Variants in TPD52 observed in about 807,000 individuals in gnomAD.
The protein encoded by TPD52 is tumor protein D52.
A neutral mutation model predicts 31.3 loss-of-function variants in TPD52; 17 were observed. That is an observed-to-expected ratio of 0.54 (90% CI 0.37 to 0.82). TPD52 has a LOEUF of 0.82. TPD52 is among the 40% of genes least tolerant of loss of function. The pLI is 0.00. For missense variants in TPD52, 212 were observed against 240.1 expected (o/e 0.88, Z 0.77); for synonymous variants, 83 against 89.6 (o/e 0.93, Z 0.42).
intron 1 of TPD52, among the ~76,000 whole-genome samples, chr8:80,069,475 C>T (rs1416491787): frequency 6.6e-6 from 1 of 151,156 alleles, no homozygotes; most frequent in Non-Finnish European, 1.5e-5. Flanking sequence ...AAAACAACAA[C>T]AACAAAAATT....
chr8:80,034,327 G>C (rs926245915), downstream of TPD52, among the ~76,000 whole-genome samples: 1 of 151,806 alleles, frequency 6.6e-6, no homozygotes, highest in Non-Finnish European at 1.5e-5. Flanking sequence ...CTGCACCCAG[G>C]AGCACAAGCT....
At chr8:80,141,213 C>T (rs567122674) in intron 1 of TPD52, among the ~76,000 whole-genome samples, 211 of 152,240 alleles carry the variant, frequency 1.4e-3, no homozygotes, top group Middle Eastern at 6.8e-3. Context: ...CTCCTAATCC[C>T]CTAAATTCCA....
rs1284192779 is a variant in TPD52, at chr8:80,035,796, T to TA, written c.*2319dup. On this transcript the variant is annotated 3_prime_UTR_variant, in exon 8 of 8. Coordinates refer to ENST00000518937, the MANE Select transcript of TPD52 (RefSeq NM_001025253.3). ...GAGTCCTTACATCTGTGAGATTTCA[T>TA]AAGTATCTGAGATTTCACACTCTTG... 4.6e-5 allele frequency: 7 copies of TA among 152,312 alleles called. No homozygotes were observed. The Middle Eastern group carries it at 0.017, about 370-fold the overall frequency. 9.4% of individuals were successfully genotyped at this position (152,312 alleles called of 1,614,324 possible). A position where few individuals can be genotyped will look rare whatever the true frequency, so the allele number is the denominator to read the frequency against.
intron 1 of TPD52, chr8:80,080,619 G>C: frequency 7.3e-7 from 1 of 1,371,098 alleles, no homozygotes; most frequent in Middle Eastern, 2.6e-4. Context: ...TTTCCTTTTG[G>C]GAGCCTTCAC....
chr8:80,101,448 C>CAAAAAAAAAAAAAA (rs113660828), intron 1 of TPD52, among the ~76,000 whole-genome samples: 2 of 114,730 alleles, frequency 1.7e-5, no homozygotes, highest in African/African-American at 5.8e-5. Flanking sequence ...ACTCCCAGCT[C>CAAAAAAAAAAAAAA]AAAAAAAAAA....
At chr8:80,069,456 C>T (rs1813519903) in intron 1 of TPD52, among the ~76,000 whole-genome samples, 1 of 151,798 alleles carries the variant, frequency 6.6e-6, no homozygotes, top group African/African-American at 2.4e-5. Context: ...CAGAGCAAGA[C>T]CCTGTCTCAA....
At chr8:80,080,172 G>A in intron 1 of TPD52, 1 of 648,838 alleles carries the variant, frequency 1.5e-6, no homozygotes, top group African/African-American at 1.8e-5. Context: ...TCTGTACTTT[G>A]AATCTAGAAT....
At chr8:80,059,398 A>T (rs1192735688) in intron 2 of TPD52, among the ~76,000 whole-genome samples, 2 of 152,140 alleles carry the variant, frequency 1.3e-5, no homozygotes, top group African/African-American at 2.4e-5. Flanking sequence ...AGAAAAATTT[A>T]AAAAATAGAA....
intron 1 of TPD52, among the ~76,000 whole-genome samples, chr8:80,127,991 G>GT (rs1423214091): frequency 4.2e-5 from 6 of 142,700 alleles, no homozygotes; most frequent in African/African-American, 1.7e-4. Context: ...TTGTATTTCT[G>GT]TTTTGTTTTT....
rs557928253 is a variant in TPD52 at position 80,099,485 on chromosome 8, C to CAAA, written c.20-34895_20-34893dup. Among the ~76,000 whole-genome samples, 41 of 148,492 alleles carry CAAA rather than the reference C, an allele frequency of 2.8e-4. No homozygotes were observed. In the East Asian group the frequency reaches 7.4e-3, roughly 27 times the overall value. ...TTCCACCACAGGTGAGGGAGGTTCA[C>CAAA]AAAACTGGATGGTGGTCTAACATCT... On this transcript the variant is annotated intron_variant, in intron 1 of 7. Coordinates refer to ENST00000518937, the MANE Select transcript of TPD52 (RefSeq NM_001025253.3).
At chr8:80,155,919 A>G (rs1390098077) in intron 1 of TPD52, among the ~76,000 whole-genome samples, 1 of 152,016 alleles carries the variant, frequency 6.6e-6, no homozygotes, top group Non-Finnish European at 1.5e-5. Flanking sequence ...AAGAAAATAT[A>G]GAAAGAAGAG....
intron 7 of TPD52, 21 bp downstream of exon 7, chr8:80,042,599 C>T (rs1810494557): frequency 6.3e-7 from 1 of 1,595,340 alleles, no homozygotes; most frequent in Non-Finnish European, 8.5e-7. Context: ...TCAAAAAGAC[C>T]CTGTTCATCT....
At chr8:80,031,479 T>C (rs1809691815), downstream of TPD52, among the ~76,000 whole-genome samples, 1 of 152,212 alleles carries the variant, frequency 6.6e-6, no homozygotes, top group African/African-American at 2.4e-5. Flanking sequence ...GCCTAGAACA[T>C]TATTTTCTAC....
At chr8:80,110,775 TC>T (rs977309707) in intron 1 of TPD52, among the ~76,000 whole-genome samples, 4 of 152,188 alleles carry the variant, frequency 2.6e-5, no homozygotes, top group African/African-American at 9.7e-5. Context: ...CTAGGAACTT[TC>T]CACTCTAATC....
At chr8:80,141,202 A>C (rs1809807409) in intron 1 of TPD52, among the ~76,000 whole-genome samples, 1 of 151,622 alleles carries the variant, frequency 6.6e-6, no homozygotes, top group Admixed American at 6.6e-5. Context: ...CCCAGACATC[A>C]CTCCTAATCC....
intron 5 of TPD52, among the ~76,000 whole-genome samples, chr8:80,048,471 C>CA (rs1193058277): frequency 6.6e-6 from 1 of 152,188 alleles, no homozygotes; most frequent in Admixed American, 6.5e-5. Context: ...GACTAACCAC[C>CA]TACTTCATAG....
intron 1 of TPD52, among the ~76,000 whole-genome samples, chr8:80,169,655 A>G (rs1250921859): frequency 6.6e-6 from 1 of 152,210 alleles, no homozygotes; most frequent in Non-Finnish European, 1.5e-5. Flanking sequence ...TAAAAACATC[A>G]TTATGTCAAA....
At chr8:80,150,303 T>C (rs1479612556) in intron 1 of TPD52, among the ~76,000 whole-genome samples, 2 of 152,204 alleles carry the variant, frequency 1.3e-5, no homozygotes, top group Non-Finnish European at 2.9e-5. Context: ...TGGAAACGCC[T>C]GGATGTCCAG....
At position 80,039,093 on chromosome 8, in the gene TPD52, AC is replaced by A. The variant is rs1810133377; in HGVS notation, c.505-859del. 3.3e-5 allele frequency among the ~76,000 whole-genome samples: 5 copies of A among 152,142 alleles called. 1 individual carries two copies. The South Asian group carries it at 1.0e-3, about 31-fold the overall frequency. On this transcript the variant is annotated intron_variant, in intron 7 of 7. Transcript: ENST00000518937. Reference sequence around the variant, plus strand: ...GAAGCTTATAGTGGGTTTGAACTTGACCTTGCTCTTAGCTCAATCTTAATTG... The same window carrying A: ...GAAGCTTATAGTGGGTTTGAACTTGACTTGCTCTTAGCTCAATCTTAATTG...
Sources: gnomAD v4.1 joint callset for allele counts (sites outside exome capture counted in the v4.1 genomes callset) on GRCh38, gnomAD v4.1.1 for gene constraint, MANE v1.5 for transcripts, NCBI Gene and HGNC (gene_info 2026-07-23, HGNC 2026-07-21) for gene names.